KALRN: variants seen among roughly 807,000 people sequenced by gnomAD.
KALRN encodes kalirin RhoGEF kinase.
Under a neutral mutation model 353.7 loss-of-function variants are expected in KALRN, and 70 were observed. The observed-to-expected ratio is 0.20, with a 90% CI of 0.16 to 0.24. KALRN has a LOEUF of 0.24. Among genes scored for constraint, KALRN ranks in the 10% least tolerant of loss-of-function variants. The pLI is 1.00. For synonymous variants in KALRN, 1,391 were observed against 1,434.8 expected (o/e 0.97, Z 0.69); for missense variants, 2,791 against 3,756.7 (o/e 0.74, Z 6.72).
intron 3 of KALRN, among the ~76,000 whole-genome samples, chr3:124,238,809 C>T (rs2080098549): frequency 6.6e-6 from 1 of 152,220 alleles, no homozygotes; most frequent in Admixed American, 6.5e-5. Flanking sequence ...CAGCGTCCAT[C>T]TTGGCCTGAG....
At chr3:124,427,183 C>G (rs561611484) in intron 15 of KALRN, among the ~76,000 whole-genome samples, 1 of 152,294 alleles carries the variant, frequency 6.6e-6, no homozygotes, top group Admixed American at 6.5e-5. Context: ...GGGCAGCCAA[C>G]AGGACAAGTA....
At chr3:124,567,206 AAGGTGCAGTCAGGGTTGAGAACCAC>A (rs1285953540) in intron 34 of KALRN, among the ~76,000 whole-genome samples, 49 of 152,122 alleles carry the variant, frequency 3.2e-4, no homozygotes, top group Non-Finnish European at 4.4e-5. Context: ...AGGTGAATCT[AAGGTGCAGTCAGGGTTGAGAACCAC>A]TGCACTAGCC....
rs1553707032 is a variant in KALRN, at chr3:124,642,806, G to GTTTTTTTGTTGTTGTTGTTTTTTTTTTT, written c.5664+5510_5664+5511insGTTGTTGTTGTTTTTTTTTTTTTTTTTT. Among the ~76,000 whole-genome samples the GTTTTTTTGTTGTTGTTGTTTTTTTTTTT allele has an allele frequency of 1.4e-3, 136 of 96,808 alleles. 2 individuals carry two copies. Among genetic ancestry groups the GTTTTTTTGTTGTTGTTGTTTTTTTTTTT allele is most frequent in the East Asian group, 2.4e-3 (5 of 2,100 alleles). The allele number at this position is 96,808 out of a possible 152,430, so 63.5% of individuals were successfully genotyped here. On this transcript the variant is annotated intron_variant, in intron 37 of 59. Coordinates refer to ENST00000682506, the MANE Select transcript of KALRN (RefSeq NM_001388419.1). ...TCTGTGGAAGAGATTCCCAAGCCTC[G>GTTTTTTTGTTGTTGTTGTTTTTTTTTTT]TTTTTTTTTTTTTTTTTTTTGAGAC...
intron 25 of KALRN, among the ~76,000 whole-genome samples, chr3:124,465,595 G>C (rs2060250141): frequency 6.6e-6 from 1 of 152,032 alleles, no homozygotes; most frequent in Non-Finnish European, 1.5e-5. Context: ...CTTCTTACTG[G>C]CTGGACCATG....
chr3:124,400,133 G>A (rs963685477), intron 13 of KALRN, among the ~76,000 whole-genome samples: 2 of 151,750 alleles, frequency 1.3e-5, no homozygotes, highest in Admixed American at 1.3e-4. Flanking sequence ...GCTTTAGAAG[G>A]AATTTTTTTT....
At chr3:124,456,750 G>T in intron 23 of KALRN, 22 bp downstream of exon 23, 1 of 1,557,758 alleles carries the variant, frequency 6.4e-7, no homozygotes, top group African/African-American at 1.4e-5. Flanking sequence ...CTTCCGCCCA[G>T]CTAGCTGGCT....
At position 124,400,074 on chromosome 3, in the gene KALRN, T is replaced by C. The variant is rs562516492; in HGVS notation, c.2346+1203T>C. ...ACCATCTCTCTGGAGTTAGGGCTTC[T>C]GGGTTTGGTGAGCTTCCCAATAATA... On this transcript the variant is annotated intron_variant, in intron 13 of 59. Coordinates refer to ENST00000682506, the MANE Select transcript of KALRN (RefSeq NM_001388419.1). Among the ~76,000 whole-genome samples the C allele has an allele frequency of 5.3e-4, 80 of 152,306 alleles. No homozygotes were observed. In the South Asian group the frequency reaches 0.016, roughly 31 times the overall value.
At chr3:124,357,138 C>G (rs1225802787) in intron 10 of KALRN, among the ~76,000 whole-genome samples, 1 of 152,236 alleles carries the variant, frequency 6.6e-6, no homozygotes, top group Non-Finnish European at 1.5e-5. Flanking sequence ...TTCTCTTGCT[C>G]TTCCTCATCA....
At chr3:124,575,365 C>T (rs1389139352) in intron 34 of KALRN, among the ~76,000 whole-genome samples, 1 of 152,228 alleles carries the variant, frequency 6.6e-6, no homozygotes, top group Non-Finnish European at 1.5e-5. Flanking sequence ...AGACCCATCT[C>T]AGTTCAGAAT....
chr3:124,530,587 C>A (rs1055870774), intron 33 of KALRN, among the ~76,000 whole-genome samples: 1 of 151,974 alleles, frequency 6.6e-6, no homozygotes, highest in Non-Finnish European at 1.5e-5. Context: ...GAGATGGGGT[C>A]TCACTGTTTC....
chr3:124,550,065 G>A (rs1457910830), intron 33 of KALRN, among the ~76,000 whole-genome samples: 1 of 152,186 alleles, frequency 6.6e-6, no homozygotes, highest in Non-Finnish European at 1.5e-5. Context: ...ACCAGTTAAT[G>A]AGGAGACACC....
At chr3:124,389,942 T>C (rs1208717836) in intron 11 of KALRN, among the ~76,000 whole-genome samples, 3 of 152,186 alleles carry the variant, frequency 2.0e-5, no homozygotes, top group Non-Finnish European at 4.4e-5. Context: ...TCCCTACTTA[T>C]AGAGAAAAGC....
intron 1 of KALRN, among the ~76,000 whole-genome samples, chr3:124,087,720 T>G (rs1013511133): frequency 1.2e-4 from 19 of 152,056 alleles, no homozygotes; most frequent in African/African-American, 4.3e-4. Flanking sequence ...CTCTGGTGGC[T>G]GGGAGGGGGC....
At chr3:124,050,823 C>A (rs2040958383) in intron 1 of KALRN, among the ~76,000 whole-genome samples, 1 of 152,140 alleles carries the variant, frequency 6.6e-6, no homozygotes, top group African/African-American at 2.4e-5. Context: ...AGAATTCAAG[C>A]TGCATACTAA....
At chr3:124,652,058 T>C (rs1274807565) in intron 38 of KALRN, among the ~76,000 whole-genome samples, 1 of 152,174 alleles carries the variant, frequency 6.6e-6, no homozygotes, top group East Asian at 1.9e-4. Flanking sequence ...AAGGCAGGTG[T>C]GAAGGGTCCC....
At chr3:124,500,754 A>T (rs571788231) in intron 33 of KALRN, among the ~76,000 whole-genome samples, 2 of 152,348 alleles carry the variant, frequency 1.3e-5, no homozygotes, top group South Asian at 4.1e-4. Flanking sequence ...ACTTTGTTCC[A>T]TGGTGGTCTG....
At chr3:124,645,818 CAGA>C (rs753300506) in intron 37 of KALRN, among the ~76,000 whole-genome samples, 4 of 152,120 alleles carry the variant, frequency 2.6e-5, no homozygotes, top group East Asian at 3.9e-4. Context: ...CGTATATACC[CAGA>C]AGAGGGATTA....
In KALRN at chr3:124,247,403, T is replaced by C. The variant is rs144137771; in HGVS notation, c.263+12460T>C. ...TTTGATACAATCTTTCTCAAAGAAC[T>C]GTAGTAAATGATAGATAAAATAATG... On this transcript the variant is annotated intron_variant, in intron 3 of 59. Transcript: ENST00000682506. 4.7e-4 allele frequency among the ~76,000 whole-genome samples: 71 copies of C among 152,250 alleles called. No individual in the cohort carries two copies. The East Asian group carries it at 0.013, about 28-fold the overall frequency.
At chr3:124,540,157 G>A (rs1349932453) in intron 33 of KALRN, among the ~76,000 whole-genome samples, 1 of 152,166 alleles carries the variant, frequency 6.6e-6, no homozygotes, top group East Asian at 1.9e-4. Flanking sequence ...CTGTGCTCAA[G>A]CATTCCGCCC....
Sources: allele counts gnomAD v4.1 joint callset (sites outside exome capture counted in the v4.1 genomes callset), GRCh38; gene constraint gnomAD v4.1.1; transcripts MANE v1.5; gene names NCBI Gene and HGNC (gene_info 2026-07-23, HGNC 2026-07-21).